The following GLIPR1L2 variants were observed in gnomAD, a reference collection of about 807,000 sequenced individuals.
The protein encoded by GLIPR1L2 is GLIPR1 like 2, also known as GLIPR1-like protein 2.
A neutral mutation model predicts 28.4 loss-of-function variants in GLIPR1L2; 21 were observed. The observed-to-expected ratio is 0.74, with a 90% CI of 0.52 to 1.06. The LOEUF (loss-of-function observed/expected upper bound fraction) is 1.06, where lower values mean the gene tolerates loss of function less well. Among genes scored for constraint, GLIPR1L2 ranks in the 50% least tolerant of loss-of-function variants. The pLI is 0.00. For synonymous variants in GLIPR1L2, 145 were observed against 139.3 expected, an observed-to-expected ratio of 1.04 and a Z score of -0.29; for missense variants, 476 against 416.9, an observed-to-expected ratio of 1.14 and a Z score of -1.23.
intron 3 of GLIPR1L2, among the ~76,000 whole-genome samples, chr12:75,418,688 A>G (rs182053151): frequency 1.7e-4 from 26 of 152,252 alleles, no homozygotes; most frequent in African/African-American, 5.8e-4. Flanking sequence ...TATGAAATTT[A>G]AAGTAGTTTT....
chr12:75,412,433 A>G (rs9795601), intron 2 of GLIPR1L2, among the ~76,000 whole-genome samples: 75,306 of 151,766 alleles, frequency 0.5, 19,082 homozygotes, highest in East Asian at 0.58. Flanking sequence ...GAAAATTTTC[A>G]CAACCTACAC....
At chr12:75,416,523 C>T (rs953796621) in intron 3 of GLIPR1L2, among the ~76,000 whole-genome samples, 1 of 152,030 alleles carries the variant, frequency 6.6e-6, no homozygotes, top group African/African-American at 2.4e-5. Context: ...AACCAAAAAC[C>T]TGCTGGTAAG....
Position 75,416,433 on chromosome 12 carries a change from C to G in GLIPR1L2, c.584+2732C>G, listed in dbSNP as rs535593022. On this transcript the variant is annotated intron_variant, in intron 3 of 5. Transcript: ENST00000550916. ...TATGGAGACAATTTAAGAACTAAGT[C>G]CTGGGGCACTACGCTATTTTAAACT... 5.7e-4 allele frequency among the ~76,000 whole-genome samples: 87 copies of G among 152,034 alleles called. 1 individual carries two copies. Among genetic ancestry groups the G allele is most frequent in the African/African-American group, 2.0e-3 (84 of 41,472 alleles).
chr12:75,421,712 G>A (rs1003291131), intron 3 of GLIPR1L2, among the ~76,000 whole-genome samples: 1 of 152,072 alleles, frequency 6.6e-6, no homozygotes, highest in Non-Finnish European at 1.5e-5. Flanking sequence ...GGCAATTGAT[G>A]TAATTATTTC....
chr12:75,393,404 C>G (rs989263141), intron 1 of GLIPR1L2, among the ~76,000 whole-genome samples: 5 of 151,960 alleles, frequency 3.3e-5, no homozygotes, highest in Non-Finnish European at 5.9e-5. Context: ...TACTCTCCAT[C>G]TCCCCTCCTC....
chr12:75,409,613 T>C (rs1371950624), intron 1 of GLIPR1L2, among the ~76,000 whole-genome samples: 4 of 147,226 alleles, frequency 2.7e-5, no homozygotes, highest in African/African-American at 7.4e-5. Context: ...TGTCTTCTCT[T>C]ATTCTCTAAT....
intron 1 of GLIPR1L2, chr12:75,403,091 T>C (rs1240044952): frequency 2.2e-6 from 1 of 457,174 alleles, no homozygotes; most frequent in Non-Finnish European, 4.4e-6. Context: ...GGACTCCAAG[T>C]GCACCCCTTT....
At chr12:75,411,257 C>G (rs2045864046) in intron 2 of GLIPR1L2, among the ~76,000 whole-genome samples, 1 of 151,686 alleles carries the variant, frequency 6.6e-6, no homozygotes, top group South Asian at 2.1e-4. Context: ...GGGACCTTAC[C>G]TTTTCATCCA....
At chr12:75,409,863 TC>T (rs941909672) in intron 1 of GLIPR1L2, among the ~76,000 whole-genome samples, 1 of 148,364 alleles carries the variant, frequency 6.7e-6, no homozygotes, top group African/African-American at 2.4e-5. Flanking sequence ...GTATATCTAA[TC>T]CGATATATAT....
Position 75,410,673 on chromosome 12 carries a change from T to C in GLIPR1L2, c.474T>C (p.Tyr158=). The C allele has an allele frequency of 6.3e-7, 1 of 1,592,196 alleles. No homozygotes were observed. Among genetic ancestry groups the C allele is most frequent in the Non-Finnish European group, 8.6e-7 (1 of 1,167,400 alleles). Residue 158 remains tyrosine, a synonymous_variant, in exon 2 of 6, where the codon TAT becomes TAC. Coordinates refer to ENST00000550916, the MANE Select transcript of GLIPR1L2 (RefSeq NM_001270396.2). The part of the protein sequence containing the change: ...NGSCSGDCSN[Y]IQLVWDHSYK... Reference sequence around the variant, plus strand: ...GTTGCTCTGGAGACTGTTCTAATTATATTCAGGTATGTAATTTTTATTTTG... The same window carrying C: ...GTTGCTCTGGAGACTGTTCTAATTACATTCAGGTATGTAATTTTTATTTTG...
At position 75,391,249 on chromosome 12, in the gene GLIPR1L2, T is replaced by C; in HGVS notation, c.133T>C (p.Leu45=). ...GGGTTCTAGTTTGAACGCCAGATTTTTGCCAGACGAGGAGGACGTAGACTT... is the reference window on the plus strand; with the variant it reads ...GGGTTCTAGTTTGAACGCCAGATTTCTGCCAGACGAGGAGGACGTAGACTT... The part of the protein sequence containing the change: ...LLGSSLNARF[L]PDEEDVDFIN... Residue 45 remains leucine, a synonymous_variant, in exon 1 of 6, where the codon TTG becomes CTG. Transcript: ENST00000550916. 6.2e-7 allele frequency: 1 copy of C among 1,614,222 alleles called. No individual in the cohort carries two copies. Among genetic ancestry groups the C allele is most frequent in the Non-Finnish European group, 8.5e-7 (1 of 1,180,022 alleles).
At chr12:75,414,832 G>GT (rs1251423908) in intron 3 of GLIPR1L2, among the ~76,000 whole-genome samples, 1 of 152,046 alleles carries the variant, frequency 6.6e-6, no homozygotes, top group Non-Finnish European at 1.5e-5. Flanking sequence ...TACAGGCTCT[G>GT]TTTTTTCTGC....
rs927849055 is a variant in GLIPR1L2 at position 75,401,383 on chromosome 12, A to G, written c.235-9051A>G. ...GATAAAAAGAAATACTATGTATTGG[A>G]AAAAAAAAGGTATAATCCATGAAGA... On this transcript the variant is annotated intron_variant, in intron 1 of 5. Coordinates refer to ENST00000550916, the MANE Select transcript of GLIPR1L2 (RefSeq NM_001270396.2). Among the ~76,000 whole-genome samples the G allele has an allele frequency of 7.4e-5, 11 of 149,250 alleles. 1 individual carries two copies. The highest frequency in any genetic ancestry group is 6.7e-5 in the Admixed American group (1 of 14,976).
chr12:75,406,106 G>A (rs2045796492), intron 1 of GLIPR1L2, among the ~76,000 whole-genome samples: 1 of 149,786 alleles, frequency 6.7e-6, no homozygotes, highest in East Asian at 2.0e-4. Context: ...GATTATTTAA[G>A]AAAACCAAGT....
At chr12:75,413,270 C>T (rs199805506) in intron 2 of GLIPR1L2, among the ~76,000 whole-genome samples, 2 of 151,318 alleles carry the variant, frequency 1.3e-5, no homozygotes. Flanking sequence ...GGGTGCAGCA[C>T]ACCAACATGG....
chr12:75,391,290 G>T lies in GLIPR1L2; in HGVS notation c.174G>T (p.Val58=). ...ACGTAGACTTTATCAACGAGTACGT[G>T]AACCTCCACAATGAGCTGCGGGGCG... ...EEDVDFINEY[V]NLHNELRGDV... Residue 58 remains valine (V), a synonymous_variant, in exon 1 of 6, where the codon GTG becomes GTT. Coordinates refer to ENST00000550916, the MANE Select transcript of GLIPR1L2 (RefSeq NM_001270396.2). 1 of 1,614,208 alleles carries T rather than the reference G, an allele frequency of 6.2e-7. No individual in the cohort carries two copies. Among genetic ancestry groups the T allele is most frequent in the Non-Finnish European group, 8.5e-7 (1 of 1,180,040 alleles).
At position 75,431,034 on chromosome 12, in the gene GLIPR1L2, AAG is replaced by A. The variant is rs1441614321; in HGVS notation, c.911_912del (p.Glu304GlyfsTer72). ...GAAGCAGGGAATGAAGAGGAGGAAAAAGAGGAAGAGAAGAAAGAGAAAGAGGA... is the reference window on the plus strand; with the variant it reads ...GAAGCAGGGAATGAAGAGGAGGAAAAAGGAAGAGAAGAAAGAGAAAGAGGA... On this transcript the variant is annotated frameshift_variant, in exon 6 of 6. Coordinates refer to ENST00000550916, the MANE Select transcript of GLIPR1L2 (RefSeq NM_001270396.2). LOFTEE classifies it low-confidence loss of function (END_TRUNC). 7.9e-6 allele frequency: 12 copies of A among 1,514,768 alleles called. No homozygotes were observed. The highest frequency in any genetic ancestry group is 9.8e-6 in the Non-Finnish European group (11 of 1,127,612). The allele number at this position is 1,514,768 out of a possible 1,614,324, so 93.8% of individuals were successfully genotyped here.
chr12:75,401,948 T>C (rs1159538612), intron 1 of GLIPR1L2, among the ~76,000 whole-genome samples: 1 of 152,020 alleles, frequency 6.6e-6, no homozygotes, highest in African/African-American at 2.4e-5. Context: ...TAAGTAAAAT[T>C]AATGAAAAAT....
At chr12:75,417,705 A>T (rs992611167) in intron 3 of GLIPR1L2, among the ~76,000 whole-genome samples, 1 of 152,144 alleles carries the variant, frequency 6.6e-6, no homozygotes, top group African/African-American at 2.4e-5. Context: ...TAATAAAGAA[A>T]AGAAAATGTT....
Sources: gnomAD v4.1 joint callset for allele counts (sites outside exome capture counted in the v4.1 genomes callset) on GRCh38, gnomAD v4.1.1 for gene constraint, MANE v1.5 for transcripts, NCBI Gene and HGNC (gene_info 2026-07-23, HGNC 2026-07-21) for gene names.